Variants in ADAM12 observed in about 807,000 individuals in gnomAD.
ADAM12 encodes ADAM metallopeptidase domain 12, also known as disintegrin and metalloproteinase domain-containing protein 12.
In ADAM12, 70 loss-of-function variants were observed where a neutral mutation model predicts 106.4. The ratio of observed to expected loss-of-function variants is 0.66; its 90% CI spans 0.54 to 0.80. ADAM12 has a LOEUF of 0.80. ADAM12 is among the 30% of genes least tolerant of loss of function. The pLI, the probability that ADAM12 is intolerant of heterozygous loss-of-function variation, is 0.00. For missense variants in ADAM12, 1,010 were observed against 1,171.9 expected (o/e 0.86, Z 2.02); for synonymous variants, 420 against 433.5 (o/e 0.97, Z 0.39).
chr10:126,065,530 A>G (rs1954849302), intron 13 of ADAM12, among the ~76,000 whole-genome samples: 1 of 152,198 alleles, frequency 6.6e-6, no homozygotes, highest in South Asian at 2.1e-4. Context: ...GAAGAACAGG[A>G]GAAGAACAAG....
intron 2 of ADAM12, among the ~76,000 whole-genome samples, chr10:126,321,904 T>TGGGG (rs371286030): frequency 1.2e-4 from 11 of 88,776 alleles, no homozygotes; most frequent in East Asian, 3.7e-4. Context: ...TACCTGGGGG[T>TGGGG]CGGGGGGGGG....
intron 3 of ADAM12, among the ~76,000 whole-genome samples, chr10:126,156,365 T>C (rs1290299293): frequency 2.0e-5 from 3 of 152,212 alleles, no homozygotes; most frequent in South Asian, 2.1e-4. Context: ...TCCATTTACA[T>C]AGGGCGTACA....
intron 2 of ADAM12, among the ~76,000 whole-genome samples, chr10:126,290,413 A>T (rs1314584513): frequency 5.3e-5 from 8 of 152,324 alleles, no homozygotes; most frequent in Middle Eastern, 3.4e-3. Context: ...TGTCATTTTA[A>T]GCCACTTAAA....
At position 126,195,334 on chromosome 10, in the gene ADAM12, G is replaced by A. The variant is rs113640218; in HGVS notation, c.261-40029C>T. ...TCATGTGTATAATCCCAGCACCTTGGGAGGCCCAGGTGGGTGGATCACCTC... is the reference window on the plus strand; with the variant it reads ...TCATGTGTATAATCCCAGCACCTTGAGAGGCCCAGGTGGGTGGATCACCTC... On this transcript the variant is annotated intron_variant, in intron 3 of 22. Coordinates refer to ENST00000448723, the MANE Select transcript of ADAM12 (RefSeq NM_001288973.2). 9.8e-3 allele frequency among the ~76,000 whole-genome samples: 1,487 copies of A among 152,266 alleles called. 39 individuals are homozygous for A. Among genetic ancestry groups the A allele is most frequent in the African/African-American group, 0.034 (1,392 of 41,518 alleles).
intron 2 of ADAM12, among the ~76,000 whole-genome samples, chr10:126,316,425 C>T (rs546738499): frequency 1.3e-5 from 2 of 152,258 alleles, no homozygotes; most frequent in South Asian, 4.2e-4. Flanking sequence ...GTATCCTAGG[C>T]AGGGCCTCCG....
chr10:126,086,706 T>TATATATATATATATAA (rs1421464288), intron 11 of ADAM12, among the ~76,000 whole-genome samples: 2 of 65,198 alleles, frequency 3.1e-5, no homozygotes, highest in African/African-American at 1.2e-4. Context: ...TATATATATA[T>TATATATATATATATAA]AAAATAAAAT....
chr10:126,018,346 G>A (rs1340352815), intron 22 of ADAM12, among the ~76,000 whole-genome samples: 1 of 152,194 alleles, frequency 6.6e-6, no homozygotes. Flanking sequence ...AGCCCATGGG[G>A]TTGGGGGCAG....
intron 9 of ADAM12, among the ~76,000 whole-genome samples, chr10:126,100,144 C>T (rs1453029534): frequency 6.6e-6 from 1 of 152,032 alleles, no homozygotes; most frequent in African/African-American, 2.4e-5. Context: ...GGGAGATTTA[C>T]AGTGTTGGTC....
At chr10:126,324,946 T>C (rs1304373108) in intron 2 of ADAM12, among the ~76,000 whole-genome samples, 1 of 151,858 alleles carries the variant, frequency 6.6e-6, no homozygotes, top group Non-Finnish European at 1.5e-5. Flanking sequence ...CAGTGGGAAC[T>C]CCACGTGTGG....
chr10:126,117,925 C>G, intron 6 of ADAM12, 113 bp downstream of exon 6: 3 of 1,227,684 alleles, frequency 2.4e-6, no homozygotes, highest in Non-Finnish European at 3.5e-6. Context: ...CACTTCCATC[C>G]CCCAGATGCC....
At position 126,060,876 on chromosome 10, in the gene ADAM12, A is replaced by C. The variant is rs530153749; in HGVS notation, c.1609+3930T>G. ...GCTCTTGAGTCAGCATCTTACACAC[A>C]GCAGGACATCAACAAATACTTGACA... On this transcript the variant is annotated intron_variant, in intron 14 of 22. Transcript: ENST00000448723. Among the ~76,000 whole-genome samples the C allele has an allele frequency of 5.3e-5, 8 of 152,310 alleles. No individual in the cohort carries two copies. The South Asian group carries it at 1.7e-3, about 32-fold the overall frequency.
chr10:126,237,733 A>G (rs949055682), intron 3 of ADAM12, among the ~76,000 whole-genome samples: 2 of 152,210 alleles, frequency 1.3e-5, no homozygotes, highest in Admixed American at 6.5e-5. Flanking sequence ...ACACGCTGAC[A>G]ATCAGCCCAT....
At chr10:126,326,131 C>T (rs1270580289) in intron 2 of ADAM12, among the ~76,000 whole-genome samples, 3 of 152,148 alleles carry the variant, frequency 2.0e-5, no homozygotes, top group Non-Finnish European at 4.4e-5. Flanking sequence ...GACCAGCAAT[C>T]TGGCATTGGA....
At chr10:126,088,556 A>AAT (rs1554967200) in intron 11 of ADAM12, among the ~76,000 whole-genome samples, 4 of 151,332 alleles carry the variant, frequency 2.6e-5, no homozygotes, top group Non-Finnish European at 5.9e-5. Flanking sequence ...CCAAAAAAAA[A>AAT]AAAATTAGCT....
At chr10:126,323,742 A>G (rs993628517) in intron 2 of ADAM12, among the ~76,000 whole-genome samples, 1 of 152,168 alleles carries the variant, frequency 6.6e-6, no homozygotes, top group Non-Finnish European at 1.5e-5. Flanking sequence ...TCCCAAAGTC[A>G]TGCATGGTTG....
intron 1 of ADAM12, among the ~76,000 whole-genome samples, chr10:126,351,020 C>T (rs1385509693): frequency 6.6e-6 from 1 of 152,208 alleles, no homozygotes; most frequent in African/African-American, 2.4e-5. Context: ...CACAGTGTAC[C>T]CATATCGGTC....
At chr10:126,235,577 A>ATGGGG (rs1230825827) in intron 3 of ADAM12, among the ~76,000 whole-genome samples, 1 of 151,818 alleles carries the variant, frequency 6.6e-6, no homozygotes, top group Non-Finnish European at 1.5e-5. Flanking sequence ...GAGCTATCTC[A>ATGGGG]CGGGGCTGTT....
At chr10:126,172,199 A>C (rs1381420701) in intron 3 of ADAM12, among the ~76,000 whole-genome samples, 2 of 152,238 alleles carry the variant, frequency 1.3e-5, no homozygotes, top group African/African-American at 4.8e-5. Context: ...CAATGGATCC[A>C]ACCAGAAAGT....
At chr10:126,173,211 G>A (rs529655189) in intron 3 of ADAM12, among the ~76,000 whole-genome samples, 6 of 152,188 alleles carry the variant, frequency 3.9e-5, no homozygotes, top group Non-Finnish European at 8.8e-5. Context: ...CCTATGTAAC[G>A]AACCTGCACG....
Sources: gnomAD v4.1 joint callset for allele counts (sites outside exome capture counted in the v4.1 genomes callset) on GRCh38, gnomAD v4.1.1 for gene constraint, MANE v1.5 for transcripts, NCBI Gene and HGNC (gene_info 2026-07-23, HGNC 2026-07-21) for gene names.